AGXT2: variants seen among roughly 807,000 people sequenced by gnomAD.
AGXT2 encodes alanine--glyoxylate aminotransferase 2, mitochondrial.
Under a neutral mutation model 62.5 loss-of-function variants are expected in AGXT2, and 61 were observed. That is an observed-to-expected ratio of 0.98 (90% CI 0.79 to 1.21). The LOEUF (loss-of-function observed/expected upper bound fraction) is 1.21, where lower values mean the gene tolerates loss of function less well. Among genes scored for constraint, AGXT2 ranks in the 50% most tolerant of loss-of-function variants. The pLI, the probability that AGXT2 is intolerant of heterozygous loss-of-function variation, is 0.00. For missense variants in AGXT2, 666 were observed against 641.5 expected, an observed-to-expected ratio of 1.04 and a Z score of -0.41; for synonymous variants, 243 against 218.7, an observed-to-expected ratio of 1.11 and a Z score of -0.98.
chr5:35,028,076 T>A (rs573808263), intron 7 of AGXT2, among the ~76,000 whole-genome samples: 32 of 151,814 alleles, frequency 2.1e-4, no homozygotes, highest in Admixed American at 2.0e-3. Context: ...GACTTCGTCA[T>A]CTCTTCCCTG....
chr5:34,998,677 G>T lies in AGXT2; in HGVS notation c.*42C>A. On this transcript the variant is annotated 3_prime_UTR_variant, in exon 14 of 14. Coordinates refer to ENST00000231420, the MANE Select transcript of AGXT2 (RefSeq NM_031900.4). ...TCAAATTCACCCTTGAACATACGTGGCAAATTCTTGAGACTTGTGGTTTTA... is the reference window on the plus strand; with the variant it reads ...TCAAATTCACCCTTGAACATACGTGTCAAATTCTTGAGACTTGTGGTTTTA... The T allele has an allele frequency of 2.0e-6, 3 of 1,520,832 alleles. No homozygotes were observed. The highest frequency in any genetic ancestry group is 2.7e-6 in the Non-Finnish European group (3 of 1,098,088). 94.2% of individuals were successfully genotyped at this position (1,520,832 alleles called of 1,614,324 possible).
intron 1 of AGXT2, among the ~76,000 whole-genome samples, chr5:35,041,521 C>G (rs184874426): frequency 6.6e-6 from 1 of 152,186 alleles, no homozygotes; most frequent in South Asian, 2.1e-4. Context: ...AGACTTTGGC[C>G]CCCCTGCAGC....
At chr5:35,014,710 C>A (rs147564371) in intron 9 of AGXT2, among the ~76,000 whole-genome samples, 59 of 152,278 alleles carry the variant, frequency 3.9e-4, no homozygotes, top group African/African-American at 1.3e-3. Flanking sequence ...CAATATGTCA[C>A]AGGCTCCATG....
At position 35,033,462 on chromosome 5, in the gene AGXT2, G is replaced by T. The variant is rs1018000848; in HGVS notation, c.673C>A (p.Pro225Thr). ...AAGAGAAAAATCTCCAAACTCACTG[G>T]TTGGCAACCTGTCCCACCAGGGAGT... ...MELPGGTGCQ[P>T]TMCPDVFRGP... The change falls in exon 6 of 14, where the codon CCA becomes ACA. Residue 225 changes from proline to threonine, a missense_variant and splice_region_variant. Coordinates refer to ENST00000231420, the MANE Select transcript of AGXT2 (RefSeq NM_031900.4). 1 of 1,610,468 alleles carries T rather than the reference G, an allele frequency of 6.2e-7. No individual in the cohort carries two copies. Among genetic ancestry groups the T allele is most frequent in the East Asian group, 2.2e-5 (1 of 44,852 alleles).
intron 1 of AGXT2, among the ~76,000 whole-genome samples, chr5:35,041,211 ACCTCC>A (rs1767973163): frequency 5.8e-5 from 2 of 34,386 alleles, no homozygotes; most frequent in African/African-American, 2.8e-4. Context: ...AGAAGACAAA[ACCTCC>A]CCCCGCCAAA....
At position 35,025,155 on chromosome 5, in the gene AGXT2, C is replaced by A. The variant is rs866863914; in HGVS notation, c.963+608G>T. On this transcript the variant is annotated intron_variant, in intron 9 of 13. Transcript: ENST00000231420. Reference sequence around the variant, plus strand: ...CTTTGGGAGGCCAAGGCGGGCGGATCACTTGAGGTCAGGAATTCAAGATCA... The same window carrying A: ...CTTTGGGAGGCCAAGGCGGGCGGATAACTTGAGGTCAGGAATTCAAGATCA... Among the ~76,000 whole-genome samples, 21 of 152,288 alleles carry A rather than the reference C, an allele frequency of 1.4e-4. No homozygotes were observed. The South Asian group carries it at 2.5e-3, about 18-fold the overall frequency.
chr5:35,027,664 G>A (rs1407304194), intron 7 of AGXT2, among the ~76,000 whole-genome samples: 1 of 151,626 alleles, frequency 6.6e-6, no homozygotes, highest in Non-Finnish European at 1.5e-5. Context: ...TTTTTGACAA[G>A]GGGCAGTTTA....
At chr5:35,036,517 T>C (rs938902046) in intron 4 of AGXT2, among the ~76,000 whole-genome samples, 5 of 152,188 alleles carry the variant, frequency 3.3e-5, no homozygotes, top group Non-Finnish European at 7.3e-5. Flanking sequence ...TTATTAAAAA[T>C]GGTTTCACTG....
At position 35,036,974 on chromosome 5, in the gene AGXT2, T is replaced by C; in HGVS notation, c.454A>G (p.Lys152Glu). The change falls in exon 4 of 14, where the codon AAG becomes GAG. Residue 152 changes from lysine to glutamate, a missense_variant. Transcript: ENST00000231420. ...FHPPMHEYAE[K>E]LAALLPEPLK... ...GGCTCAGGAAGAAGTGCGGCAAGCT[T>C]CTCTGCATATTCATGCATTGGAGGG... The C allele has an allele frequency of 1.2e-6, 2 of 1,614,176 alleles. No homozygotes were observed. Among genetic ancestry groups the C allele is most frequent in the Non-Finnish European group, 8.5e-7 (1 of 1,180,002 alleles).
chr5:35,013,897 C>T (rs1447703676), intron 10 of AGXT2, 90 bp downstream of exon 10: 5 of 1,573,232 alleles, frequency 3.2e-6, no homozygotes, highest in Admixed American at 3.3e-5. Context: ...CCATGATTGT[C>T]TCCAATCTAC....
At chr5:35,001,530 C>G (rs1766225118) in intron 13 of AGXT2, among the ~76,000 whole-genome samples, 1 of 152,154 alleles carries the variant, frequency 6.6e-6, no homozygotes, top group Admixed American at 6.5e-5. Flanking sequence ...GTGTCTTTTC[C>G]TTTATCTGTA....
In AGXT2 at chr5:35,010,150, C is replaced by G. The variant is rs757561316; in HGVS notation, c.1189-1G>C. 6.2e-7 allele frequency: 1 copy of G among 1,614,174 alleles called. No homozygotes were observed. The highest frequency in any genetic ancestry group is 1.1e-5 in the South Asian group (1 of 91,086). On this transcript the variant is annotated splice_acceptor_variant, in intron 11 of 13. Transcript: ENST00000231420. LOFTEE classifies it high-confidence loss of function. Reference sequence around the variant, plus strand: ...CCTGTAGATTTTCTTCTTTAATCACCTGTTAAGAGAAAGCCCCAAATGATC... The same window carrying G: ...CCTGTAGATTTTCTTCTTTAATCACGTGTTAAGAGAAAGCCCCAAATGATC...
chr5:35,026,374 T>C (rs565080389), intron 8 of AGXT2, 36 bp downstream of exon 8: 122 of 1,527,686 alleles, frequency 8.0e-5, no homozygotes, highest in Non-Finnish European at 5.0e-5. Context: ...TAATTGAAGA[T>C]TCAGCTCCAT....
Position 35,026,464 on chromosome 5 carries a change from C to G in AGXT2, c.816G>C (p.Thr272=). 1.2e-6 allele frequency: 2 copies of G among 1,613,778 alleles called. No homozygotes were observed. The highest frequency in any genetic ancestry group is 2.2e-5 in the South Asian group (2 of 91,056). ...KDQYIEQFKD[T]LSTSVAKSIA... ...TTGACTTGGCCACAGATGTGCTCAG[C>G]GTATCTTTGAATTGCTCAATATACT... The change falls in exon 8 of 14, where the codon ACG becomes ACC. Residue 272 remains threonine (T), a synonymous_variant. Transcript: ENST00000231420.
At chr5:35,011,178 A>C (rs2112191779) in intron 11 of AGXT2, among the ~76,000 whole-genome samples, 1 of 152,310 alleles carries the variant, frequency 6.6e-6, no homozygotes, top group South Asian at 2.1e-4. Flanking sequence ...TTTTAAAAGA[A>C]GTTGGCAATG....
intron 3 of AGXT2, among the ~76,000 whole-genome samples, chr5:35,037,764 C>T (rs1213535973): frequency 1.3e-5 from 2 of 152,142 alleles, no homozygotes; most frequent in Non-Finnish European, 2.9e-5. Context: ...TGAGTCTGAA[C>T]AGTGGTTAGT....
chr5:35,037,095 C>T, intron 3 of AGXT2, 30 bp from the exon 4 acceptor site: 7 of 1,613,022 alleles, frequency 4.3e-6, no homozygotes, highest in Non-Finnish European at 5.9e-6. Context: ...GAGTTACCTG[C>T]ACTGCGTGCC....
intron 7 of AGXT2, 23 bp from the exon 8 acceptor site, chr5:35,026,533 C>G (rs1335546857): frequency 1.3e-6 from 2 of 1,570,666 alleles, no homozygotes; most frequent in South Asian, 1.1e-5. Flanking sequence ...AACAACAAAA[C>G]AAAACAAACC....
intron 6 of AGXT2, 162 bp from the exon 7 acceptor site, chr5:35,032,987 T>A: frequency 1.5e-6 from 1 of 679,550 alleles, no homozygotes; most frequent in South Asian, 1.6e-5. Flanking sequence ...AAGAGATAAT[T>A]TTTTCTTAGA....
Sources: allele counts gnomAD v4.1 joint callset (sites outside exome capture counted in the v4.1 genomes callset), GRCh38; gene constraint gnomAD v4.1.1; transcripts MANE v1.5; gene names NCBI Gene and HGNC (gene_info 2026-07-23, HGNC 2026-07-21).